Variants in SLC13A4 observed in about 807,000 individuals in gnomAD.
SLC13A4 encodes solute carrier family 13 member 4.
In SLC13A4, 28 loss-of-function variants were observed where a neutral mutation model predicts 72.7. The ratio of observed to expected loss-of-function variants is 0.39; its 90% CI spans 0.29 to 0.53. SLC13A4 has a LOEUF of 0.53. Ranked by LOEUF, SLC13A4 falls within the 20% of genes least tolerant of loss-of-function variation. The probability of loss-of-function intolerance (pLI) is 0.78; values close to 1 mark genes in which losing one functional copy is unlikely to be tolerated. For missense variants in SLC13A4, 653 were observed against 788.0 expected (o/e 0.83, Z 2.05); for synonymous variants, 312 against 325.5 (o/e 0.96, Z 0.45).
At chr7:135,722,437 C>G (rs1176448520) in intron 1 of SLC13A4, among the ~76,000 whole-genome samples, 1 of 152,110 alleles carries the variant, frequency 6.6e-6, no homozygotes, top group Non-Finnish European at 1.5e-5. Context: ...GGCTTCTGGA[C>G]TGTGCTCTTA....
chr7:135,714,348 G>A (rs1796368299), intron 2 of SLC13A4, among the ~76,000 whole-genome samples: 1 of 152,218 alleles, frequency 6.6e-6, no homozygotes, highest in African/African-American at 2.4e-5. Flanking sequence ...CTTTGGGACT[G>A]TATGAACTAC....
intron 13 of SLC13A4, among the ~76,000 whole-genome samples, chr7:135,687,817 T>G (rs1795670893): frequency 6.6e-6 from 1 of 152,126 alleles, no homozygotes; most frequent in Non-Finnish European, 1.5e-5. Flanking sequence ...AAATAATTTT[T>G]TTTTTCTTTT....
intron 11 of SLC13A4, 34 bp from the exon 12 acceptor site, chr7:135,691,679 G>T: frequency 6.7e-7 from 1 of 1,502,882 alleles, no homozygotes; most frequent in South Asian, 1.1e-5. Context: ...GAGGAGAAGG[G>T]TCAGGAATTT....
At chr7:135,708,312 G>C in intron 2 of SLC13A4, 62 bp from the exon 3 acceptor site, 1 of 1,604,664 alleles carries the variant, frequency 6.2e-7, no homozygotes, top group Non-Finnish European at 8.5e-7. Context: ...CCCAGCACCA[G>C]CTGGGAGAAT....
chr7:135,696,491 T>A (rs1795908044), intron 8 of SLC13A4, among the ~76,000 whole-genome samples: 1 of 151,972 alleles, frequency 6.6e-6, no homozygotes. Flanking sequence ...TGGGATTACA[T>A]ACAGGAGCAC....
rs1057197042 is a variant in SLC13A4, at chr7:135,705,583, C to T, written c.593+13G>A. 1.2e-6 allele frequency: 2 copies of T among 1,613,188 alleles called. No individual in the cohort carries two copies. Among genetic ancestry groups the T allele is most frequent in the Non-Finnish European group, 1.7e-6 (2 of 1,179,334 alleles). ...CTGAGAGGCGCTGTCTGGGAGAGGG[C>T]AGTCATACTCACTCTTCATTGACAA... On this transcript the variant is annotated intron_variant, in intron 5 of 15. Coordinates refer to ENST00000682651, the MANE Select transcript of SLC13A4 (RefSeq NM_001318192.2).
chr7:135,701,439 C>G (rs2129494491), intron 7 of SLC13A4, among the ~76,000 whole-genome samples: 1 of 152,334 alleles, frequency 6.6e-6, no homozygotes, highest in East Asian at 1.9e-4. Context: ...CTGATCTACA[C>G]CAAACCCCAG....
intron 13 of SLC13A4, among the ~76,000 whole-genome samples, chr7:135,686,853 T>C (rs1202639919): frequency 6.6e-6 from 1 of 152,148 alleles, no homozygotes; most frequent in Non-Finnish European, 1.5e-5. Flanking sequence ...AGTCAGGAGT[T>C]TGAGACCAGC....
intron 13 of SLC13A4, among the ~76,000 whole-genome samples, chr7:135,686,043 C>A (rs1795615317): frequency 6.6e-6 from 1 of 152,238 alleles, no homozygotes; most frequent in Non-Finnish European, 1.5e-5. Flanking sequence ...GACATCCTTA[C>A]CCTGTGCATT....
chr7:135,692,263 G>T, intron 11 of SLC13A4, 60 bp downstream of exon 11: 1 of 1,196,506 alleles, frequency 8.4e-7, no homozygotes, highest in Non-Finnish European at 1.2e-6. Context: ...AGTCTATGAA[G>T]TCTTGCCTGA....
Position 135,699,448 on chromosome 7 carries a change from C to A in SLC13A4, c.815G>T (p.Ser272Ile). 6.2e-7 allele frequency: 1 copy of A among 1,613,336 alleles called. No individual in the cohort carries two copies. Among genetic ancestry groups the A allele is most frequent in the Non-Finnish European group, 8.5e-7 (1 of 1,179,676 alleles). Residue 272 changes from serine (S) to isoleucine (I), a missense_variant, in exon 8 of 16, where the codon AGC becomes ATC. Coordinates refer to ENST00000682651, the MANE Select transcript of SLC13A4 (RefSeq NM_001318192.2). ...DQMICKCLSL[S>I]ISYSATIGGL... ...GCCAATGGTAGCGGAGTAGGATATG[C>A]TCAGGGAGAGGCACTTGCAGATCAT...
Position 135,694,244 on chromosome 7 carries a change from A to G in SLC13A4, c.1020-6T>C, listed in dbSNP as rs1330707149. The G allele has an allele frequency of 6.4e-7, 1 of 1,551,024 alleles. No homozygotes were observed. Among genetic ancestry groups the G allele is most frequent in the Non-Finnish European group, 8.9e-7 (1 of 1,123,734 alleles). On this transcript the variant is annotated splice_polypyrimidine_tract_variant and splice_region_variant and intron_variant, in intron 9 of 15. Coordinates refer to ENST00000682651, the MANE Select transcript of SLC13A4 (RefSeq NM_001318192.2). ...GAGAGCAGGTCTCTTTAAAACTGAG[A>G]AGGGAGAATGAGCAAATGATTAAAG...
At chr7:135,698,387 T>G (rs1282256556) in intron 8 of SLC13A4, among the ~76,000 whole-genome samples, 2 of 134,228 alleles carry the variant, frequency 1.5e-5, no homozygotes, top group African/African-American at 5.7e-5. Context: ...CAGGCTGGAG[T>G]GCAGTGTCAC....
intron 1 of SLC13A4, among the ~76,000 whole-genome samples, chr7:135,725,674 T>C (rs113132307): frequency 6.6e-6 from 1 of 152,208 alleles, no homozygotes; most frequent in African/African-American, 2.4e-5. Context: ...TATCAGACTC[T>C]AAAAGTTTGA....
intron 2 of SLC13A4, among the ~76,000 whole-genome samples, chr7:135,715,327 G>A (rs866251417): frequency 1.6e-5 from 2 of 126,000 alleles, no homozygotes; most frequent in East Asian, 4.5e-4. Flanking sequence ...ATGTGTGTGA[G>A]TAAGTGTATG....
chr7:135,726,540 C>T (rs73721701), intron 1 of SLC13A4, among the ~76,000 whole-genome samples: 7 of 147,184 alleles, frequency 4.8e-5, no homozygotes, highest in Admixed American at 2.1e-4. Flanking sequence ...GGGAAGGGGA[C>T]AAGCCACAGA....
rs59407311 is a variant in SLC13A4 at position 135,708,917 on chromosome 7, A to ATTTTTTT, written c.229-674_229-668dup. The stretch of plus-strand genomic sequence containing the variant: ...TTTCTTTGAGACAGAGTCTTGCTCA[A>ATTTTTTT]TTTTTTTTTTTTTTTTTTTTTTTTT... On this transcript the variant is annotated intron_variant, in intron 2 of 15. Coordinates refer to ENST00000682651, the MANE Select transcript of SLC13A4 (RefSeq NM_001318192.2). Among the ~76,000 whole-genome samples the ATTTTTTT allele has an allele frequency of 8.4e-5, 6 of 71,460 alleles. 1 individual carries two copies. The highest frequency in any genetic ancestry group is 1.2e-4 in the Non-Finnish European group (5 of 41,192). 46.9% of individuals were successfully genotyped at this position (71,460 alleles called of 152,430 possible).
chr7:135,717,270 C>T (rs979428422), intron 2 of SLC13A4, among the ~76,000 whole-genome samples: 43 of 152,196 alleles, frequency 2.8e-4, no homozygotes, highest in Admixed American at 2.0e-3. Flanking sequence ...TTCTTTTTTT[C>T]CCCCCTGGAA....
At position 135,714,313 on chromosome 7, in the gene SLC13A4, C is replaced by T. The variant is rs574430421; in HGVS notation, c.229-6063G>A. On this transcript the variant is annotated intron_variant, in intron 2 of 15. Transcript: ENST00000682651. Reference sequence around the variant, plus strand: ...ATGACTGGAGACACTGATTCATAACCGCCACCACCCCTGCCCAGTTTCTTC... The same window carrying T: ...ATGACTGGAGACACTGATTCATAACTGCCACCACCCCTGCCCAGTTTCTTC... Among the ~76,000 whole-genome samples the T allele has an allele frequency of 6.6e-5, 10 of 152,282 alleles. 1 individual carries two copies. In the East Asian group the frequency reaches 1.2e-3, roughly 18 times the overall value.
Sources: allele counts gnomAD v4.1 joint callset (sites outside exome capture counted in the v4.1 genomes callset), GRCh38; gene constraint gnomAD v4.1.1; transcripts MANE v1.5; gene names NCBI Gene and HGNC (gene_info 2026-07-23, HGNC 2026-07-21).